Variants in PYCR2 observed in about 807,000 individuals in gnomAD.
PYCR2 encodes P5C reductase 2.
A neutral mutation model predicts 23.4 loss-of-function variants in PYCR2; 17 were observed. The ratio of observed to expected loss-of-function variants is 0.73; its 90% CI spans 0.50 to 1.09. The LOEUF is 1.09. Ranked by LOEUF, PYCR2 falls within the 50% of genes least tolerant of loss-of-function variation. The pLI, the probability that PYCR2 is intolerant of heterozygous loss-of-function variation, is 0.00. For synonymous variants in PYCR2, 172 were observed against 176.6 expected, an observed-to-expected ratio of 0.97 and a Z score of 0.21; for missense variants, 380 against 423.5, an observed-to-expected ratio of 0.90 and a Z score of 0.90.
intron 1 of PYCR2, 111 bp downstream of exon 1, chr1:225,923,933 T>C (rs1415014905): frequency 6.7e-7 from 1 of 1,483,208 alleles, no homozygotes. Flanking sequence ...CAGAGTCTCA[T>C]CTACCCCACC....
chr1:225,923,835 C>A, intron 1 of PYCR2, 64 bp from the exon 2 acceptor site: 1 of 1,607,200 alleles, frequency 6.2e-7, no homozygotes, highest in South Asian at 1.1e-5. Context: ...CTTTCCCTGG[C>A]TCTAAAACCC....
At position 225,921,176 on chromosome 1, in the gene PYCR2, G is replaced by A; in HGVS notation, c.797+32C>T. On this transcript the variant is annotated intron_variant, in intron 6 of 6. Coordinates refer to ENST00000343818, the MANE Select transcript of PYCR2 (RefSeq NM_013328.4). This position sits in a 1 kb window ranked among gnomAD's most constrained non-coding sequence, Gnocchi z 4.2. Reference sequence around the variant, plus strand: ...CCCAGGGACCAACCAGGACTGAAGGGTCTGGGACAGAAGTCCGCGGGATGG... The same window carrying A: ...CCCAGGGACCAACCAGGACTGAAGGATCTGGGACAGAAGTCCGCGGGATGG... The A allele has an allele frequency of 6.3e-7, 1 of 1,595,202 alleles. No individual in the cohort carries two copies. Among genetic ancestry groups the A allele is most frequent in the Non-Finnish European group, 8.6e-7 (1 of 1,167,964 alleles).
At chr1:225,923,805 C>T in intron 1 of PYCR2, 34 bp from the exon 2 acceptor site, 1 of 1,613,582 alleles carries the variant, frequency 6.2e-7, no homozygotes, top group Non-Finnish European at 8.5e-7. Context: ...CTAGGGGTCG[C>T]GGCCCAGCCC....
chr1:225,923,250 A>T (rs1671896948), intron 2 of PYCR2: 1 of 258,736 alleles, frequency 3.9e-6, no homozygotes, highest in Non-Finnish European at 6.2e-6. Flanking sequence ...AAAATACAAA[A>T]ATTAGCTGCG....
At chr1:225,923,807 GC>G in intron 1 of PYCR2, 36 bp from the exon 2 acceptor site, 1 of 1,613,432 alleles carries the variant, frequency 6.2e-7, no homozygotes, top group Non-Finnish European at 8.5e-7. Context: ...AGGGGTCGCG[GC>G]CCAGCCCGTT....
At chr1:225,923,672 C>T (rs767843800) in intron 2 of PYCR2, 29 bp downstream of exon 2, 4 of 1,613,680 alleles carry the variant, frequency 2.5e-6, no homozygotes, top group Non-Finnish European at 3.4e-6. Context: ...GGCCTCCACC[C>T]GCTTCCCACT....
Position 225,921,031 on chromosome 1 carries a change from A to C in PYCR2, c.797+177T>G, listed in dbSNP as rs1671821992. ...AATGCAGTGAGAATTAAGTGAAGTA[A>C]GGCTTGCAAACTCTTAGGTAAACAA... On this transcript the variant is annotated intron_variant, in intron 6 of 6. Transcript: ENST00000343818. The surrounding 1 kb of genome is among the most constrained non-coding windows in gnomAD (Gnocchi z 4.2). Among the ~76,000 whole-genome samples, 1 of 152,208 alleles carries C rather than the reference A, an allele frequency of 6.6e-6. No homozygotes were observed. Among genetic ancestry groups the C allele is most frequent in the South Asian group, 2.1e-4 (1 of 4,834 alleles).
chr1:225,920,211 T>A lies in PYCR2; in HGVS notation c.*244A>T, dbSNP rs988216325. Reference sequence around the variant, plus strand: ...ACTGAGCAGCGTACGCAGGGTTGTGTCTGGCTTCCAGCATCTACCACCCCT... The same window carrying A: ...ACTGAGCAGCGTACGCAGGGTTGTGACTGGCTTCCAGCATCTACCACCCCT... On this transcript the variant is annotated 3_prime_UTR_variant, in exon 7 of 7. Transcript: ENST00000343818. 47 of 295,126 alleles carry A rather than the reference T, an allele frequency of 1.6e-4. No homozygotes were observed. In the East Asian group the frequency reaches 2.9e-3, roughly 18 times the overall value. The allele number at this position is 295,126 out of a possible 1,614,324, so 18.3% of individuals were successfully genotyped here. A position where few individuals can be genotyped will look rare whatever the true frequency, so the allele number is the denominator to read the frequency against.
At chr1:225,923,435 T>C in intron 2 of PYCR2, 1 of 1,323,322 alleles carries the variant, frequency 7.6e-7, no homozygotes, top group East Asian at 3.2e-5. Flanking sequence ...ACCTACTATG[T>C]GCCAGGTGCT....
intron 6 of PYCR2, 23 bp from the exon 7 acceptor site, chr1:225,920,643 AT>A: frequency 6.2e-7 from 1 of 1,610,290 alleles, no homozygotes; most frequent in Non-Finnish European, 8.5e-7. Flanking sequence ...CCCCAGAAGG[AT>A]TAAAGGAAGG....
At chr1:225,922,938 C>G in intron 2 of PYCR2, 1 of 915,628 alleles carries the variant, frequency 1.1e-6, no homozygotes, top group Non-Finnish European at 1.3e-6. Context: ...TCCTCTCCCA[C>G]AGAGCACAGG....
At position 225,924,250 on chromosome 1, in the gene PYCR2, T is replaced by C. The variant is rs530399500; in HGVS notation, c.-140A>G. On this transcript the variant is annotated 5_prime_UTR_variant, in exon 1 of 7. Transcript: ENST00000343818. The stretch of plus-strand genomic sequence containing the variant: ...GGCGAGCTAACAGCAGCTTCTGGGA[T>C]GGTGCAACCCTATTCTCCCCCGGCG... 2 of 966,308 alleles carry C rather than the reference T, an allele frequency of 2.1e-6. No individual in the cohort carries two copies. Among genetic ancestry groups the C allele is most frequent in the South Asian group, 1.7e-5 (1 of 59,956 alleles). The allele number at this position is 966,308 out of a possible 1,614,324, so 59.9% of individuals were successfully genotyped here. A position where few individuals can be genotyped will look rare whatever the true frequency, so the allele number is the denominator to read the frequency against.
chr1:225,922,351 CTTG>C lies in PYCR2; in HGVS notation c.168_170del (p.Asn56del). On this transcript the variant is annotated inframe_deletion, in exon 3 of 7. Transcript: ENST00000343818. ...GGACGTCGCTGTGCTTCACCGTCTC[CTTG>C]TTGCTGCGTGTCAGGTTCACACCCA... 1 of 1,613,992 alleles carries C rather than the reference CTTG, an allele frequency of 6.2e-7. No individual in the cohort carries two copies. The highest frequency in any genetic ancestry group is 8.5e-7 in the Non-Finnish European group (1 of 1,179,890).
rs1671893371 is a variant in PYCR2 at position 225,923,194 on chromosome 1, G to C, written c.138+507C>G. 6 of 299,868 alleles carry C rather than the reference G, an allele frequency of 2.0e-5. No individual in the cohort carries two copies. The Admixed American group carries it at 3.6e-4, about 18-fold the overall frequency. 18.6% of individuals were successfully genotyped at this position (299,868 alleles called of 1,614,324 possible). On this transcript the variant is annotated intron_variant, in intron 2 of 6. Transcript: ENST00000343818. ...GGAGGCCAAGGCGGGCAGATCACTT[G>C]AGGCCAGGAGTTCGAGACCAGCCTG...
Position 225,923,692 on chromosome 1 carries a change from T to A in PYCR2, c.138+9A>T. The A allele has an allele frequency of 6.2e-7, 1 of 1,613,954 alleles. No individual in the cohort carries two copies. Among genetic ancestry groups the A allele is most frequent in the East Asian group, 2.2e-5 (1 of 44,856 alleles). Reference sequence around the variant, plus strand: ...CCACCCGCTTCCCACTCCGCCCGGCTCCACCTACCCTGAGCGCGGACACCG... The same window carrying A: ...CCACCCGCTTCCCACTCCGCCCGGCACCACCTACCCTGAGCGCGGACACCG... On this transcript the variant is annotated intron_variant, in intron 2 of 6. Transcript: ENST00000343818.
intron 2 of PYCR2, 153 bp downstream of exon 2, chr1:225,923,548 G>C: frequency 6.7e-7 from 1 of 1,486,460 alleles, no homozygotes; most frequent in Non-Finnish European, 9.0e-7. Flanking sequence ...AGCTGCCCAA[G>C]AGAAGGTGGA....
At chr1:225,920,773 C>T (rs1671814386) in intron 6 of PYCR2, among the ~76,000 whole-genome samples, 153 bp from the exon 7 acceptor site, 1 of 152,130 alleles carries the variant, frequency 6.6e-6, no homozygotes, top group Non-Finnish European at 1.5e-5. Context: ...TAGTACTTCC[C>T]AACTAGTACT....
Position 225,922,311 on chromosome 1 carries a change from T to G in PYCR2, c.211A>C (p.Lys71Gln). ...KHSDVLFLAV[K>Q]PHIIPFILDE... ...AGGATGAAGGGGATGATATGTGGCT[T>G]CACAGCCAGAAACAGGACGTCGCTG... The change falls in exon 3 of 7, where the codon AAG becomes CAG. Residue 71 changes from lysine to glutamine, a missense_variant. Physicochemically the swap from Lys to Gln is moderately conservative, Grantham distance 53 (BLOSUM62 1). Transcript: ENST00000343818. The G allele has an allele frequency of 1.2e-6, 2 of 1,614,216 alleles. No homozygotes were observed. The highest frequency in any genetic ancestry group is 1.7e-6 in the Non-Finnish European group (2 of 1,180,038).
At position 225,919,878 on chromosome 1, in the gene PYCR2, GAT is replaced by G. The variant is rs1444443067; in HGVS notation, c.*575_*576del. ...TTAAGATTAAGCCTAACAAAAGCAA[GAT>G]ATTTAAAAATAAACTTTATTAAAGC... On this transcript the variant is annotated 3_prime_UTR_variant, in exon 7 of 7. Coordinates refer to ENST00000343818, the MANE Select transcript of PYCR2 (RefSeq NM_013328.4). 6.6e-6 allele frequency: 1 copy of G among 152,218 alleles called. No homozygotes were observed. The highest frequency in any genetic ancestry group is 1.5e-5 in the Non-Finnish European group (1 of 68,044). 9.4% of individuals were successfully genotyped at this position (152,218 alleles called of 1,614,324 possible).
Sources: gnomAD v4.1 joint callset for allele counts (sites outside exome capture counted in the v4.1 genomes callset) on GRCh38, gnomAD v4.1.1 for gene constraint, Gnocchi (gnomAD v3.1) non-coding constraint, MANE v1.5 for transcripts, NCBI Gene and HGNC (gene_info 2026-07-23, HGNC 2026-07-21) for gene names.